Variants in IKZF3 observed in about 807,000 individuals in gnomAD.
The protein encoded by IKZF3 is IKAROS family zinc finger 3, also known as zinc finger protein Aiolos.
In IKZF3, 10 loss-of-function variants were observed where a neutral mutation model predicts 49.0. That is an observed-to-expected ratio of 0.20 (90% CI 0.13 to 0.35). The LOEUF is 0.35. Ranked by LOEUF, IKZF3 falls within the 10% of genes least tolerant of loss-of-function variation. IKZF3 has a pLI of 1.00. For synonymous variants in IKZF3, 209 were observed against 228.2 expected, an observed-to-expected ratio of 0.92 and a Z score of 0.76; for missense variants, 498 against 664.8, an observed-to-expected ratio of 0.75 and a Z score of 2.76.
At position 39,850,770 on chromosome 17, in the gene IKZF3, A is replaced by ATATATAGTATATATACATATCTAATATGC. The variant is rs1568064885; in HGVS notation, c.7+13321_7+13349dup. Among the ~76,000 whole-genome samples the ATATATAGTATATATACATATCTAATATGC allele has an allele frequency of 3.8e-3, 291 of 76,104 alleles. 2 individuals are homozygous for ATATATAGTATATATACATATCTAATATGC. The highest frequency in any genetic ancestry group is 0.013 in the African/African-American group (274 of 21,094). 49.9% of individuals were successfully genotyped at this position (76,104 alleles called of 152,430 possible). On this transcript the variant is annotated intron_variant, in intron 1 of 7. Transcript: ENST00000346872. The stretch of plus-strand genomic sequence containing the variant: ...GTATATATACTATATATTATATATA[A>ATATATAGTATATATACATATCTAATATGC]TATATAGTATATATACATATCTAAT...
At chr17:39,825,225 G>A (rs886347944) in intron 3 of IKZF3, among the ~76,000 whole-genome samples, 2 of 152,188 alleles carry the variant, frequency 1.3e-5, no homozygotes, top group Admixed American at 6.5e-5. Context: ...TAAATGCCAC[G>A]GTTAAGTGGT....
At chr17:39,799,181 A>T (rs980754237) in intron 3 of IKZF3, among the ~76,000 whole-genome samples, 1 of 152,130 alleles carries the variant, frequency 6.6e-6, no homozygotes, top group Admixed American at 6.5e-5. Context: ...GATAAACCTT[A>T]TGCACAATGG....
At chr17:39,835,587 C>T (rs968275450) in intron 1 of IKZF3, 56 of 433,854 alleles carry the variant, frequency 1.3e-4, no homozygotes, top group South Asian at 9.5e-4. Flanking sequence ...GGCCTGGCTG[C>T]GGTTGGCGAT....
chr17:39,794,794 G>A (rs2061121659), intron 3 of IKZF3, among the ~76,000 whole-genome samples: 1 of 152,110 alleles, frequency 6.6e-6, no homozygotes, highest in South Asian at 2.1e-4. Flanking sequence ...TTGCTTAAGT[G>A]TTTATTTTTT....
intron 3 of IKZF3, among the ~76,000 whole-genome samples, chr17:39,822,428 C>T (rs1403935599): frequency 2.0e-5 from 3 of 152,104 alleles, no homozygotes; most frequent in African/African-American, 7.2e-5. Flanking sequence ...TCCGATATTT[C>T]CCCTCTGGCA....
rs575826214 is a variant in IKZF3, at chr17:39,812,690, G to C, written c.163+16697C>G. 1.8e-4 allele frequency among the ~76,000 whole-genome samples: 27 copies of C among 152,304 alleles called. No individual in the cohort carries two copies. The South Asian group carries it at 5.6e-3, about 32-fold the overall frequency. ...GGTGCCAAAGTTTATTTGAGAAGCA[G>C]AACTCACTTGGCAAGAAAAGCTGCT... On this transcript the variant is annotated intron_variant, in intron 3 of 7. Coordinates refer to ENST00000346872, the MANE Select transcript of IKZF3 (RefSeq NM_012481.5).
At chr17:39,771,898 C>T (rs891596939) in intron 7 of IKZF3, among the ~76,000 whole-genome samples, 2 of 151,980 alleles carry the variant, frequency 1.3e-5, no homozygotes, top group African/African-American at 4.8e-5. Flanking sequence ...TGCCACCACA[C>T]CTGGCTAGGT....
At chr17:39,823,364 T>A (rs2061862270) in intron 3 of IKZF3, among the ~76,000 whole-genome samples, 1 of 152,108 alleles carries the variant, frequency 6.6e-6, no homozygotes, top group African/African-American at 2.4e-5. Context: ...CAGCAAAGCG[T>A]TCAAGAGGAA....
intron 6 of IKZF3, among the ~76,000 whole-genome samples, chr17:39,786,443 C>T (rs1749822676): frequency 2.0e-5 from 3 of 152,184 alleles, no homozygotes; most frequent in East Asian, 1.9e-4. Flanking sequence ...GAGAGCTTTG[C>T]CTATTGTCTG....
At chr17:39,827,574 C>T (rs879525941) in intron 3 of IKZF3, among the ~76,000 whole-genome samples, 1 of 152,208 alleles carries the variant, frequency 6.6e-6, no homozygotes, top group Admixed American at 6.5e-5. Flanking sequence ...TCTCAAAGTG[C>T]TGGGATTACA....
intron 3 of IKZF3, among the ~76,000 whole-genome samples, chr17:39,807,532 G>A (rs1053638586): frequency 6.8e-6 from 1 of 146,230 alleles, no homozygotes; most frequent in African/African-American, 2.5e-5. Context: ...CTGAGTAGCT[G>A]GGACTATTTA....
intron 3 of IKZF3, among the ~76,000 whole-genome samples, chr17:39,799,564 C>T (rs1393327088): frequency 6.6e-6 from 1 of 152,108 alleles, no homozygotes; most frequent in South Asian, 2.1e-4. Flanking sequence ...GTTCTGCAAC[C>T]GCCTGGGAGC....
chr17:39,845,793 G>A (rs183085705), intron 1 of IKZF3, among the ~76,000 whole-genome samples: 62 of 152,192 alleles, frequency 4.1e-4, no homozygotes, highest in African/African-American at 1.3e-3. Flanking sequence ...TTTCACTGAC[G>A]CAGTAATCAA....
intron 3 of IKZF3, among the ~76,000 whole-genome samples, chr17:39,806,593 C>T (rs77232433): frequency 0.057 from 8,662 of 152,182 alleles, 363 homozygotes; most frequent in African/African-American, 0.12. Flanking sequence ...ATAAAGAGCG[C>T]TGGCAAGGAT....
chr17:39,774,085 G>T (rs1216193354), intron 7 of IKZF3, among the ~76,000 whole-genome samples: 1 of 152,082 alleles, frequency 6.6e-6, no homozygotes, highest in East Asian at 1.9e-4. Flanking sequence ...CTCTTCCCCA[G>T]TTCATCTCTA....
intron 1 of IKZF3, among the ~76,000 whole-genome samples, chr17:39,861,599 C>T (rs1324739103): frequency 6.6e-6 from 1 of 152,142 alleles, no homozygotes; most frequent in African/African-American, 2.4e-5. Flanking sequence ...GGAGGGCAAA[C>T]AGATTCCATC....
At chr17:39,834,333 G>C (rs1598153407) in intron 1 of IKZF3, among the ~76,000 whole-genome samples, 2 of 152,244 alleles carry the variant, frequency 1.3e-5, no homozygotes, top group Non-Finnish European at 2.9e-5. Context: ...GCCCTCTTAA[G>C]GTGAAATTTT....
chr17:39,834,704 CTTTG>C (rs1027680040), intron 1 of IKZF3, among the ~76,000 whole-genome samples: 49 of 151,654 alleles, frequency 3.2e-4, no homozygotes, highest in Middle Eastern at 3.4e-3. Context: ...TGTTGGTTTT[CTTTG>C]TTTGTTTTGT....
At chr17:39,783,277 A>C (rs1251996024) in intron 6 of IKZF3, among the ~76,000 whole-genome samples, 1 of 152,204 alleles carries the variant, frequency 6.6e-6, no homozygotes, top group East Asian at 1.9e-4. Context: ...AGTTTCATAA[A>C]ACTGTTGCCT....
Sources: gnomAD v4.1 joint callset for allele counts (sites outside exome capture counted in the v4.1 genomes callset) on GRCh38, gnomAD v4.1.1 for gene constraint, MANE v1.5 for transcripts, NCBI Gene and HGNC (gene_info 2026-07-23, HGNC 2026-07-21) for gene names.